The following DCBLD1 variants were observed in gnomAD, a reference collection of about 807,000 sequenced individuals.
The protein encoded by DCBLD1 is discoidin, CUB and LCCL domain-containing protein 1.
Under a neutral mutation model 71.5 loss-of-function variants are expected in DCBLD1, and 57 were observed. The ratio of observed to expected loss-of-function variants is 0.80; its 90% CI spans 0.64 to 0.99. DCBLD1 has a LOEUF of 0.99. Among genes scored for constraint, DCBLD1 ranks in the 50% least tolerant of loss-of-function variants. The pLI is 0.00. For missense variants in DCBLD1, 891 were observed against 923.5 expected, an observed-to-expected ratio of 0.96 and a Z score of 0.46; for synonymous variants, 380 against 363.8, an observed-to-expected ratio of 1.04 and a Z score of -0.51.
intron 1 of DCBLD1, among the ~76,000 whole-genome samples, chr6:117,497,149 C>T (rs988856492): frequency 3.9e-5 from 6 of 152,060 alleles, no homozygotes; most frequent in Non-Finnish European, 4.4e-5. Context: ...GCCGAGACTG[C>T]GCCACTGCAC....
intron 14 of DCBLD1, chr6:117,563,511 T>C: frequency 3.7e-6 from 3 of 820,056 alleles, no homozygotes; most frequent in Non-Finnish European, 5.9e-6. Context: ...AACCTGAGGT[T>C]AGGGGTTCGA....
chr6:117,482,863 G>C lies in DCBLD1; in HGVS notation c.82G>C (p.Ala28Pro). Residue 28 changes from alanine (A) to proline (P), a missense_variant, in exon 1 of 15, where the codon GCC becomes CCC. Physicochemically the swap from Ala to Pro is conservative, Grantham distance 27. Transcript: ENST00000338728. ...CCTGGCTTTGCTGCTCGCGGTCTCC[G>C]CCCCGCTCCGGCTGCAGGCGGAGGA... Reference protein sequence around the residue: ...GLLALLLAVSAPLRLQAEELG... With the variant: ...GLLALLLAVSPPLRLQAEELG... 2 of 1,190,492 alleles carry C rather than the reference G, an allele frequency of 1.7e-6. No homozygotes were observed. Among genetic ancestry groups the C allele is most frequent in the African/African-American group, 3.2e-5 (2 of 62,148 alleles). 73.7% of individuals were successfully genotyped at this position (1,190,492 alleles called of 1,614,324 possible).
intron 14 of DCBLD1, among the ~76,000 whole-genome samples, chr6:117,568,362 A>C (rs566701519): frequency 6.6e-6 from 1 of 152,326 alleles, no homozygotes; most frequent in South Asian, 2.1e-4. Flanking sequence ...GGCATTTTTG[A>C]CTGCTACTCA....
intron 1 of DCBLD1, among the ~76,000 whole-genome samples, chr6:117,496,535 T>C (rs1391593648): frequency 1.3e-5 from 2 of 152,206 alleles, no homozygotes; most frequent in Non-Finnish European, 2.9e-5. Context: ...CAAGCTCTCC[T>C]TTGTGGTTGA....
chr6:117,549,646 A>T lies in DCBLD1; in HGVS notation c.*1207A>T, dbSNP rs576685976. On this transcript the variant is annotated 3_prime_UTR_variant, in exon 15 of 15. Coordinates refer to ENST00000338728, the MANE Select transcript of DCBLD1 (RefSeq NM_001366458.2). ...ATAACCCTATTTGTGTGGTTATTAC[A>T]TCCTGTGAAATGTATATATGTTAAA... 118 of 985,388 alleles carry T rather than the reference A, an allele frequency of 1.2e-4. 1 individual carries two copies. In the South Asian group the frequency reaches 4.6e-3, roughly 38 times the overall value. 61.0% of individuals were successfully genotyped at this position (985,388 alleles called of 1,614,324 possible).
downstream of DCBLD1, among the ~76,000 whole-genome samples, chr6:117,552,615 AT>A (rs1334659928): frequency 6.6e-6 from 1 of 152,102 alleles, no homozygotes; most frequent in African/African-American, 2.4e-5. Context: ...CATTGAGGAC[AT>A]TCACCTAATT....
At chr6:117,549,966 A>G (rs138300745), downstream of DCBLD1, among the ~76,000 whole-genome samples, 47 of 152,316 alleles carry the variant, frequency 3.1e-4, no homozygotes, top group African/African-American at 8.7e-4. Flanking sequence ...TTCTATAATG[A>G]TGAGACTCGG....
chr6:117,538,550 T>C, intron 7 of DCBLD1, 70 bp from the exon 8 acceptor site: 1 of 1,409,032 alleles, frequency 7.1e-7, no homozygotes. Flanking sequence ...AGGTGAGATG[T>C]GGTACTACTT....
intron 14 of DCBLD1, 76 bp from the exon 15 acceptor site, chr6:117,547,831 A>G (rs918433864): frequency 1.3e-6 from 2 of 1,548,320 alleles, no homozygotes; most frequent in Admixed American, 3.9e-5. Flanking sequence ...GACCTGAAGC[A>G]GAGTATCCCC....
chr6:117,548,414 A>C lies in DCBLD1; in HGVS notation c.2123A>C (p.Gln708Pro), dbSNP rs2114578836. The C allele has an allele frequency of 1.3e-6, 2 of 1,550,676 alleles. No individual in the cohort carries two copies. Among genetic ancestry groups the C allele is most frequent in the East Asian group, 2.4e-5 (1 of 40,920 alleles). ...AGAGACTGCCTCACACCCCTCAACCAGACGGCCATGACTGCCCTTTTGTGA... is the reference window on the plus strand; with the variant it reads ...AGAGACTGCCTCACACCCCTCAACCCGACGGCCATGACTGCCCTTTTGTGA... ...APRDCLTPLN[Q>P]TAMTALL The change falls in exon 15 of 15, where the codon CAG becomes CCG. Residue 708 changes from glutamine to proline, a missense_variant. Transcript: ENST00000338728.
Position 117,569,168 on chromosome 6 carries a change from T to TA in DCBLD1, c.1616-448dup, listed in dbSNP as rs776853883. Among the ~76,000 whole-genome samples, 22 of 152,352 alleles carry TA rather than the reference T, an allele frequency of 1.4e-4. No homozygotes were observed. The East Asian group carries it at 3.1e-3, about 21-fold the overall frequency. ...GATTTCAATTTTAATATTCCATGAC[T>TA]AAAATCAATCTACTTCTAGCACTGT... On this transcript the variant is annotated intron_variant, in intron 14 of 14. Transcript: ENST00000296955.
intron 14 of DCBLD1, among the ~76,000 whole-genome samples, chr6:117,566,134 C>G (rs1779691804): frequency 6.6e-6 from 1 of 152,122 alleles, no homozygotes; most frequent in African/African-American, 2.4e-5. Flanking sequence ...AGCAACACTG[C>G]CTTGATTAGT....
chr6:117,566,451 A>T (rs1237866089), intron 14 of DCBLD1, among the ~76,000 whole-genome samples: 1 of 152,206 alleles, frequency 6.6e-6, no homozygotes, highest in Admixed American at 6.5e-5. Context: ...TCATAAGGTG[A>T]CAGTATACTT....
chr6:117,527,111 G>A (rs1006571699), intron 5 of DCBLD1, among the ~76,000 whole-genome samples: 4 of 152,198 alleles, frequency 2.6e-5, no homozygotes, highest in African/African-American at 7.2e-5. Context: ...TCCCAACGTG[G>A]CCACTTGCAT....
At chr6:117,563,348 T>C (rs1424090112) in intron 14 of DCBLD1, 4 of 1,613,596 alleles carry the variant, frequency 2.5e-6, no homozygotes, top group South Asian at 1.1e-5. Flanking sequence ...CAGGTCTCCA[T>C]TTTCATGTGT....
intron 14 of DCBLD1, chr6:117,563,493 G>A: frequency 5.0e-6 from 5 of 1,004,622 alleles, no homozygotes; most frequent in Non-Finnish European, 7.5e-6. Context: ...AGGCCAAGGT[G>A]GGTGGATAAC....
intron 6 of DCBLD1, among the ~76,000 whole-genome samples, chr6:117,536,536 A>T (rs1778888094): frequency 6.6e-6 from 1 of 152,258 alleles, no homozygotes; most frequent in Non-Finnish European, 1.5e-5. Flanking sequence ...CAGTAAGGCC[A>T]GCTCACTGAC....
At chr6:117,531,886 G>T (rs1290600353) in intron 5 of DCBLD1, among the ~76,000 whole-genome samples, 1 of 152,220 alleles carries the variant, frequency 6.6e-6, no homozygotes, top group Non-Finnish European at 1.5e-5. Flanking sequence ...TAAAGTAGCA[G>T]CCATTTTATT....
Position 117,513,665 on chromosome 6 carries a change from G to A in DCBLD1, c.326-6151G>A, listed in dbSNP as rs117435266. ...GGCAAGTCCAAGTGCTATAAAACAC[G>A]TAGCACTGCTGGTTCTGAAGCAAAC... On this transcript the variant is annotated intron_variant, in intron 2 of 14. Coordinates refer to ENST00000338728, the MANE Select transcript of DCBLD1 (RefSeq NM_001366458.2). 6.3e-3 allele frequency among the ~76,000 whole-genome samples: 956 copies of A among 152,248 alleles called. 4 individuals are homozygous for A. Among genetic ancestry groups the A allele is most frequent in the Non-Finnish European group, 0.01 (708 of 68,016 alleles).
Sources: allele counts gnomAD v4.1 joint callset (sites outside exome capture counted in the v4.1 genomes callset), GRCh38; gene constraint gnomAD v4.1.1; transcripts MANE v1.5; gene names NCBI Gene and HGNC (gene_info 2026-07-23, HGNC 2026-07-21).